The following SHISA5 variants were observed in gnomAD, a reference collection of about 807,000 sequenced individuals.
SHISA5 encodes the protein protein shisa-5.
A neutral mutation model predicts 27.5 loss-of-function variants in SHISA5; 21 were observed. That is an observed-to-expected ratio of 0.76 (90% CI 0.54 to 1.10). SHISA5 has a LOEUF of 1.10. Among genes scored for constraint, SHISA5 ranks in the 50% least tolerant of loss-of-function variants. The probability of loss-of-function intolerance (pLI) is 0.00; values close to 1 mark genes in which losing one functional copy is unlikely to be tolerated. For synonymous variants in SHISA5, 137 were observed against 142.2 expected, an observed-to-expected ratio of 0.96 and a Z score of 0.26; for missense variants, 314 against 336.3, an observed-to-expected ratio of 0.93 and a Z score of 0.52.
chr3:48,490,534 G>T (rs1180751821), intron 2 of SHISA5, among the ~76,000 whole-genome samples: 3 of 152,172 alleles, frequency 2.0e-5, no homozygotes, highest in Admixed American at 6.6e-5. Flanking sequence ...GAATTGCCTG[G>T]CACTGAGAAC....
intron 2 of SHISA5, among the ~76,000 whole-genome samples, chr3:48,495,825 T>G (rs2041533692): frequency 6.8e-6 from 1 of 147,256 alleles, no homozygotes; most frequent in South Asian, 2.1e-4. Flanking sequence ...CCAAACAGTT[T>G]TCCACATTTA....
chr3:48,483,889 G>T (rs1021344682), intron 2 of SHISA5, among the ~76,000 whole-genome samples: 2 of 151,948 alleles, frequency 1.3e-5, no homozygotes, highest in African/African-American at 4.8e-5. Flanking sequence ...CTAATTTTTT[G>T]AATTTTTTGT....
Position 48,504,101 on chromosome 3 carries a change from G to GCGGGCGGA in SHISA5, c.-15_-8dup, listed in dbSNP as rs946736788. 6.3e-5 allele frequency: 81 copies of GCGGGCGGA among 1,294,324 alleles called. No individual in the cohort carries two copies. Among genetic ancestry groups the GCGGGCGGA allele is most frequent in the Middle Eastern group, 2.2e-4 (1 of 4,484 alleles). 80.2% of individuals were successfully genotyped at this position (1,294,324 alleles called of 1,614,324 possible). On this transcript the variant is annotated 5_prime_UTR_variant, in exon 1 of 6. Transcript: ENST00000296444. The surrounding 1 kb of genome is among the most constrained non-coding windows in gnomAD (Gnocchi z 4.0). ...CGGGGACCGGCGCAGTCATGGCTGGGCGGGCGGACGGGCGGACGGACGCGA... is the reference window on the plus strand; with the variant it reads ...CGGGGACCGGCGCAGTCATGGCTGGGCGGGCGGACGGGCGGACGGGCGGACGGACGCGA...
chr3:48,503,313 T>C, intron 1 of SHISA5: 1 of 529,320 alleles, frequency 1.9e-6, no homozygotes, highest in African/African-American at 1.9e-5. Context: ...AGTGGGCGGA[T>C]TCTGGGCACA....
chr3:48,500,469 T>G (rs1171302525), intron 2 of SHISA5, among the ~76,000 whole-genome samples: 1 of 151,938 alleles, frequency 6.6e-6, no homozygotes, highest in Non-Finnish European at 1.5e-5. Flanking sequence ...AAAATAAATA[T>G]GTAAGATAGC....
intron 1 of SHISA5, among the ~76,000 whole-genome samples, chr3:48,502,133 AT>A (rs1560136908): frequency 6.6e-6 from 1 of 152,080 alleles, no homozygotes. Context: ...AAGTGCTGAA[AT>A]TACAGGCATG....
intron 3 of SHISA5, among the ~76,000 whole-genome samples, chr3:48,476,665 A>T (rs1463907199): frequency 1.3e-5 from 2 of 152,214 alleles, no homozygotes; most frequent in East Asian, 3.8e-4. Context: ...GAGAGGAGTC[A>T]TTGATGACCC....
intron 2 of SHISA5, among the ~76,000 whole-genome samples, chr3:48,488,275 G>C (rs2041311234): frequency 7.4e-6 from 1 of 135,840 alleles, no homozygotes; most frequent in Non-Finnish European, 1.6e-5. Context: ...GTGAGACAGA[G>C]TCTTGCTTGT....
chr3:48,475,826 A>T (rs2040807604), intron 3 of SHISA5, among the ~76,000 whole-genome samples: 1 of 152,216 alleles, frequency 6.6e-6, no homozygotes, highest in African/African-American at 2.4e-5. Context: ...CTATCTGGGG[A>T]GTGAATAAGG....
chr3:48,489,728 A>G (rs1416175422), intron 2 of SHISA5, among the ~76,000 whole-genome samples: 3 of 149,336 alleles, frequency 2.0e-5, no homozygotes, highest in Non-Finnish European at 3.0e-5. Flanking sequence ...CCTAGGCTCA[A>G]GCAATCCTCC....
In SHISA5 at chr3:48,504,167, G is replaced by A. The variant is rs942233892; in HGVS notation, c.-73C>T. ...CCGCCACAGCCTCAGTGATCCGCGC[G>A]GCCGCCCCTCTCCCTCGCCCCGCCC... is the stretch of plus-strand genomic sequence containing the variant. On this transcript the variant is annotated 5_prime_UTR_variant, in exon 1 of 6. Coordinates refer to ENST00000296444, the MANE Select transcript of SHISA5 (RefSeq NM_016479.6). This position sits in a 1 kb window ranked among gnomAD's most constrained non-coding sequence, Gnocchi z 4.0. 6.1e-5 allele frequency: 43 copies of A among 705,042 alleles called. No homozygotes were observed. The highest frequency in any genetic ancestry group is 6.8e-5 in the Non-Finnish European group (34 of 502,066). The allele number at this position is 705,042 out of a possible 1,614,324, so 43.7% of individuals were successfully genotyped here. A position where few individuals can be genotyped will look rare whatever the true frequency, so the allele number is the denominator to read the frequency against.
chr3:48,495,679 G>T lies in SHISA5; in HGVS notation c.233+5458C>A, dbSNP rs1271418765. Among the ~76,000 whole-genome samples the T allele has an allele frequency of 1.4e-5, 2 of 146,626 alleles. 1 individual carries two copies. Among genetic ancestry groups the T allele is most frequent in the African/African-American group, 5.4e-5 (2 of 36,728 alleles). On this transcript the variant is annotated intron_variant, in intron 2 of 5. Transcript: ENST00000296444. ...TAAGACTACAGGTGCATGCCACCAC[G>T]CCTGGCTAATTTTTGTATTTTTTAG...
At chr3:48,503,606 G>A in intron 1 of SHISA5, 1 of 684,706 alleles carries the variant, frequency 1.5e-6, no homozygotes, top group Non-Finnish European at 1.9e-6. Flanking sequence ...GGCCAACGGA[G>A]GCAGCGGTGG....
chr3:48,501,379 CCA>C (rs150025480), intron 1 of SHISA5, 86 bp from the exon 2 acceptor site: 25,715 of 1,309,840 alleles, frequency 0.02, 458 homozygotes, highest in African/African-American at 0.12. Context: ...AGCCACCAGA[CCA>C]CACACACACA....
chr3:48,501,132 C>T lies in SHISA5; in HGVS notation c.233+5G>A. ...ACCCACCCTGTGACCCACTGGTGCA[C>T]CCACCTGGCCTCAGGCACAGCACAC... On this transcript the variant is annotated splice_donor_5th_base_variant and intron_variant, in intron 2 of 5. Transcript: ENST00000296444. The T allele has an allele frequency of 6.2e-7, 1 of 1,608,986 alleles. No homozygotes were observed. The highest frequency in any genetic ancestry group is 2.2e-5 in the East Asian group (1 of 44,618).
Position 48,469,978 on chromosome 3 carries a change from T to C in SHISA5, c.315-135A>G, listed in dbSNP as rs910048105. 39 of 1,175,256 alleles carry C rather than the reference T, an allele frequency of 3.3e-5. No individual in the cohort carries two copies. Among genetic ancestry groups the C allele is most frequent in the Non-Finnish European group, 4.2e-5 (35 of 839,908 alleles). The allele number at this position is 1,175,256 out of a possible 1,614,324, so 72.8% of individuals were successfully genotyped here. A position where few individuals can be genotyped will look rare whatever the true frequency, so the allele number is the denominator to read the frequency against. ...ATAGCTACTTCCTTGTCGGGTGGCC[T>C]GCACCTGTTTCAATCTGTTTCCTCT... is the stretch of plus-strand genomic sequence containing the variant. On this transcript the variant is annotated intron_variant, in intron 3 of 5. Coordinates refer to ENST00000296444, the MANE Select transcript of SHISA5 (RefSeq NM_016479.6). The surrounding 1 kb of genome is among the most constrained non-coding windows in gnomAD (Gnocchi z 4.6).
In SHISA5 at chr3:48,504,077, G is replaced by A; in HGVS notation, c.18C>T (p.Pro6=). The A allele has an allele frequency of 3.6e-6, 5 of 1,402,350 alleles. No individual in the cohort carries two copies. The highest frequency in any genetic ancestry group is 4.7e-6 in the Non-Finnish European group (5 of 1,070,150). 86.9% of individuals were successfully genotyped at this position (1,402,350 alleles called of 1,614,324 possible). A position where few individuals can be genotyped will look rare whatever the true frequency, so the allele number is the denominator to read the frequency against. The change falls in exon 1 of 6, where the codon CCC becomes CCT. Residue 6 remains proline (P), a synonymous_variant. Coordinates refer to ENST00000296444, the MANE Select transcript of SHISA5 (RefSeq NM_016479.6). The surrounding 1 kb of genome is among the most constrained non-coding windows in gnomAD (Gnocchi z 4.0). Reference sequence around the variant, plus strand: ...GCAACGGCAACAGGATCCGCGGCGCGGGGACCGGCGCAGTCATGGCTGGGC... The same window carrying A: ...GCAACGGCAACAGGATCCGCGGCGCAGGGACCGGCGCAGTCATGGCTGGGC... MTAPV[P]APRILLPLLL... is the part of the protein sequence containing the mutation.
chr3:48,503,266 G>T, intron 1 of SHISA5: 1 of 986,672 alleles, frequency 1.0e-6, no homozygotes, highest in Non-Finnish European at 1.4e-6. Context: ...AGACCTCACT[G>T]AATCAGTGAC....
At chr3:48,495,609 C>T (rs1320752257) in intron 2 of SHISA5, among the ~76,000 whole-genome samples, 2 of 146,708 alleles carry the variant, frequency 1.4e-5, no homozygotes, top group Non-Finnish European at 3.0e-5. Context: ...GCAACCTCCG[C>T]CTCCTGGGTT....
Sources: allele counts gnomAD v4.1 joint callset (sites outside exome capture counted in the v4.1 genomes callset), GRCh38; gene constraint gnomAD v4.1.1; non-coding constraint Gnocchi (gnomAD v3.1); transcripts MANE v1.5; gene names NCBI Gene and HGNC (gene_info 2026-07-23, HGNC 2026-07-21).